BPNT2: variants seen among roughly 807,000 people sequenced by gnomAD.
BPNT2 encodes the protein 3'(2'), 5'-bisphosphate nucleotidase 2.
In BPNT2, 11 loss-of-function variants were observed where a neutral mutation model predicts 29.3. The ratio of observed to expected loss-of-function variants is 0.38; its 90% CI spans 0.24 to 0.62. The LOEUF is 0.62. Ranked by LOEUF, BPNT2 falls within the 20% of genes least tolerant of loss-of-function variation. The probability of loss-of-function intolerance (pLI) is 0.62; values close to 1 mark genes in which losing one functional copy is unlikely to be tolerated. For missense variants in BPNT2, 459 were observed against 473.4 expected, an observed-to-expected ratio of 0.97 and a Z score of 0.28; for synonymous variants, 195 against 187.7, an observed-to-expected ratio of 1.04 and a Z score of -0.32.
At chr8:56,991,064 A>G (rs1056559302) in intron 1 of BPNT2, among the ~76,000 whole-genome samples, 3 of 152,202 alleles carry the variant, frequency 2.0e-5, no homozygotes, top group Non-Finnish European at 2.9e-5. Flanking sequence ...TCTGGGCATT[A>G]GGAGAGGGGA....
chr8:56,980,819 T>TACACACACACACACACAC (rs71258552), intron 1 of BPNT2, among the ~76,000 whole-genome samples: 5 of 141,506 alleles, frequency 3.5e-5, no homozygotes, highest in East Asian at 2.1e-4. Flanking sequence ...TACATACATA[T>TACACACACACACACACAC]ACACACACAC....
chr8:56,959,138 A>C lies in BPNT2; in HGVS notation c.*4655T>G, dbSNP rs1805785953. ...CCACAAATTGTTAATTATGATACTT[A>C]AGGGAACCCTTACAATATATAACAA... On this transcript the variant is annotated 3_prime_UTR_variant, in exon 5 of 5. Coordinates refer to ENST00000262644, the MANE Select transcript of BPNT2 (RefSeq NM_017813.5). 6.6e-6 allele frequency: 1 copy of C among 152,206 alleles called. No homozygotes were observed. The highest frequency in any genetic ancestry group is 6.5e-5 in the Admixed American group (1 of 15,284). The allele number at this position is 152,206 out of a possible 1,614,324, so 9.4% of individuals were successfully genotyped here. A position where few individuals can be genotyped will look rare whatever the true frequency, so the allele number is the denominator to read the frequency against.
In BPNT2 at chr8:56,978,141, A is replaced by G. The variant is rs745665834; in HGVS notation, c.555T>C (p.Asp185=). The G allele has an allele frequency of 6.3e-7, 1 of 1,598,872 alleles. No homozygotes were observed. Among genetic ancestry groups the G allele is most frequent in the Admixed American group, 1.7e-5 (1 of 59,998 alleles). ...CCATAGTAGTGACGTACTTTCGAAGATCCTCTATGAGAAAAAAAACAAAAC... is the reference window on the plus strand; with the variant it reads ...CCATAGTAGTGACGTACTTTCGAAGGTCCTCTATGAGAAAAAAAACAAAAC... ...PLDATQEYTE[D]LRKYVTTMVC... Residue 185 remains aspartate (D), a synonymous_variant, in exon 3 of 5, where the codon GAT becomes GAC. Transcript: ENST00000262644.
At chr8:56,984,344 A>G (rs1268884570) in intron 1 of BPNT2, among the ~76,000 whole-genome samples, 1 of 152,212 alleles carries the variant, frequency 6.6e-6, no homozygotes, top group African/African-American at 2.4e-5. Flanking sequence ...CTACATACCT[A>G]CAAATCTGAA....
chr8:56,993,074 C>T (rs1024407457), intron 1 of BPNT2, 125 bp downstream of exon 1: 3 of 1,521,128 alleles, frequency 2.0e-6, no homozygotes, highest in African/African-American at 1.4e-5. Flanking sequence ...TGCACGTTAA[C>T]TTCTGCGTCT....
chr8:56,963,139 C>T lies in BPNT2; in HGVS notation c.*654G>A, dbSNP rs1585553648. On this transcript the variant is annotated 3_prime_UTR_variant, in exon 5 of 5. Transcript: ENST00000262644. Reference sequence around the variant, plus strand: ...TTTTCTTTATAAAAACAAAACAACACACACACATACACACAGAAATTATTA... The same window carrying T: ...TTTTCTTTATAAAAACAAAACAACATACACACATACACACAGAAATTATTA... 6.6e-6 allele frequency: 1 copy of T among 152,274 alleles called. No individual in the cohort carries two copies. Among genetic ancestry groups the T allele is most frequent in the South Asian group, 2.1e-4 (1 of 4,830 alleles). The allele number at this position is 152,274 out of a possible 1,614,324, so 9.4% of individuals were successfully genotyped here. A position where few individuals can be genotyped will look rare whatever the true frequency, so the allele number is the denominator to read the frequency against.
At chr8:56,966,007 TAAG>T (rs1467794189) in intron 4 of BPNT2, among the ~76,000 whole-genome samples, 181 bp downstream of exon 4, 3 of 152,186 alleles carry the variant, frequency 2.0e-5, no homozygotes, top group Non-Finnish European at 2.9e-5. Flanking sequence ...TTCTTTCTAA[TAAG>T]AAGGGCAGAG....
At chr8:56,977,912 C>A (rs1366556229) in intron 3 of BPNT2, 138 bp downstream of exon 3, 24 of 689,540 alleles carry the variant, frequency 3.5e-5, no homozygotes, top group Middle Eastern at 7.8e-4. Flanking sequence ...GTTTAAGACA[C>A]ATAATTTGTG....
intron 1 of BPNT2, among the ~76,000 whole-genome samples, chr8:56,991,299 C>T (rs543202005): frequency 1.3e-5 from 2 of 152,098 alleles, no homozygotes; most frequent in Non-Finnish European, 2.9e-5. Flanking sequence ...CACAAGAAAA[C>T]AAGAAGTTGT....
chr8:56,965,539 G>A (rs1805930197), intron 4 of BPNT2, among the ~76,000 whole-genome samples: 1 of 152,154 alleles, frequency 6.6e-6, no homozygotes, highest in South Asian at 2.1e-4. Flanking sequence ...GGGTTAAGAT[G>A]AGAATCTTTA....
At chr8:56,980,866 CATAT>C (rs993405997) in intron 1 of BPNT2, among the ~76,000 whole-genome samples, 1 of 146,038 alleles carries the variant, frequency 6.8e-6, no homozygotes, top group African/African-American at 2.6e-5. Context: ...CCCCCTTACA[CATAT>C]ATATTCTCTC....
At chr8:56,981,871 G>T (rs933087791) in intron 1 of BPNT2, among the ~76,000 whole-genome samples, 10 of 152,078 alleles carry the variant, frequency 6.6e-5, no homozygotes, top group Admixed American at 5.9e-4. Context: ...TCATGTTTAT[G>T]CTACATGTGA....
chr8:56,972,788 G>GA (rs1230266928), intron 3 of BPNT2, among the ~76,000 whole-genome samples: 1 of 150,862 alleles, frequency 6.6e-6, no homozygotes, highest in African/African-American at 2.4e-5. Context: ...ATGCCATTAA[G>GA]AAAATCACTG....
chr8:56,993,220 C>G lies in BPNT2; in HGVS notation c.366G>C (p.Lys122Asn), dbSNP rs752698460. ...LSNRKMFYLL[K>N]TAFPSVQINT... ...CCACCTGGACGCTGGGGAAGGCGGT[C>G]TTGAGCAGGTAGAACATCTTGCGGT... Residue 122 changes from lysine (K) to asparagine (N), a missense_variant, in exon 1 of 5, where the codon AAG becomes AAC. By Grantham distance (94) the Lys-to-Asn change is moderately conservative. Coordinates refer to ENST00000262644, the MANE Select transcript of BPNT2 (RefSeq NM_017813.5). 3 of 1,603,254 alleles carry G rather than the reference C, an allele frequency of 1.9e-6. No individual in the cohort carries two copies. In the South Asian group the frequency reaches 3.3e-5, roughly 18 times the overall value.
At position 56,970,198 on chromosome 8, in the gene BPNT2, G is replaced by A. The variant is rs555380427; in HGVS notation, c.647-3846C>T. Among the ~76,000 whole-genome samples, 3 of 152,238 alleles carry A rather than the reference G, an allele frequency of 2.0e-5. 1 individual carries two copies. The highest frequency in any genetic ancestry group is 7.2e-5 in the African/African-American group (3 of 41,566). On this transcript the variant is annotated intron_variant, in intron 3 of 4. Coordinates refer to ENST00000262644, the MANE Select transcript of BPNT2 (RefSeq NM_017813.5). ...AAAAATAAAAATTTTGTAACTAAGA[G>A]ATCAGGTCATGAACACTTTAATCAT... is the stretch of plus-strand genomic sequence containing the variant.
intron 2 of BPNT2, among the ~76,000 whole-genome samples, chr8:56,979,139 A>T (rs1806198006): frequency 6.6e-6 from 1 of 152,196 alleles, no homozygotes; most frequent in East Asian, 1.9e-4. Flanking sequence ...TACCTGGGTT[A>T]TTCTCCTAGC....
chr8:56,967,625 G>C (rs1208802870), intron 3 of BPNT2, among the ~76,000 whole-genome samples: 2 of 152,068 alleles, frequency 1.3e-5, no homozygotes, highest in Non-Finnish European at 2.9e-5. Context: ...TTGAAACTTG[G>C]CAACAAAGCA....
chr8:56,983,507 G>A (rs961682833), intron 1 of BPNT2, among the ~76,000 whole-genome samples: 2 of 152,116 alleles, frequency 1.3e-5, no homozygotes, highest in Admixed American at 1.3e-4. Flanking sequence ...GCCAGATGGT[G>A]AAGGACCTCG....
intron 2 of BPNT2, among the ~76,000 whole-genome samples, chr8:56,978,894 TAGAG>T (rs1806193255): frequency 6.6e-6 from 1 of 151,950 alleles, no homozygotes; most frequent in South Asian, 2.1e-4. Flanking sequence ...TTTCAGAGGA[TAGAG>T]AGTGGGAGGA....
Sources: allele counts gnomAD v4.1 joint callset (sites outside exome capture counted in the v4.1 genomes callset), GRCh38; gene constraint gnomAD v4.1.1; transcripts MANE v1.5; gene names NCBI Gene and HGNC (gene_info 2026-07-23, HGNC 2026-07-21).